ATP9B: variants seen among roughly 807,000 people sequenced by gnomAD.
ATP9B encodes ATPase phospholipid transporting 9B.
Under a neutral mutation model 146.1 loss-of-function variants are expected in ATP9B, and 110 were observed. The ratio of observed to expected loss-of-function variants is 0.75; its 90% confidence interval spans 0.65 to 0.88. The LOEUF is 0.88. ATP9B is among the 40% of genes least tolerant of loss of function. The pLI is 0.00. For missense variants in ATP9B, 1,499 were observed against 1,496.4 expected (o/e 1.00, Z -0.03); for synonymous variants, 604 against 569.7 (o/e 1.06, Z -0.86).
chr18:79,076,612 C>A (rs1300046040), intron 1 of ATP9B, among the ~76,000 whole-genome samples: 1 of 151,960 alleles, frequency 6.6e-6, no homozygotes, highest in South Asian at 2.1e-4. Context: ...AGTCGTTTGA[C>A]TGTTCTGGGT....
At chr18:79,235,667 G>C (rs567684005) in intron 11 of ATP9B, among the ~76,000 whole-genome samples, 4 of 151,976 alleles carry the variant, frequency 2.6e-5, no homozygotes, top group Non-Finnish European at 5.9e-5. Flanking sequence ...AATTCTCCCA[G>C]CTCCCGGGAG....
chr18:79,094,879 A>T (rs1238933520), intron 1 of ATP9B, among the ~76,000 whole-genome samples: 1 of 152,194 alleles, frequency 6.6e-6, no homozygotes, highest in Admixed American at 6.5e-5. Flanking sequence ...TTGTGATCAG[A>T]AATATGATTC....
chr18:79,236,917 G>A (rs1196061802), intron 11 of ATP9B, among the ~76,000 whole-genome samples: 1 of 100,648 alleles, frequency 9.9e-6, no homozygotes, highest in African/African-American at 4.3e-5. Flanking sequence ...TGTGTACACA[G>A]TCCGTGCACG....
chr18:79,250,643 G>A (rs745678444), intron 11 of ATP9B, among the ~76,000 whole-genome samples: 4 of 152,176 alleles, frequency 2.6e-5, no homozygotes, highest in Non-Finnish European at 5.9e-5. Context: ...TTGAAGTAGC[G>A]GAAATTGCAC....
At chr18:79,132,708 A>ACCTCTTTGAATGGCATTGATGGCAG (rs2094395691) in intron 5 of ATP9B, among the ~76,000 whole-genome samples, 2 of 152,226 alleles carry the variant, frequency 1.3e-5, no homozygotes, top group African/African-American at 4.8e-5. Context: ...TTTCACAGTT[A>ACCTCTTTGAATGGCATTGATGGCAG]CCTCTTTGAA....
intron 5 of ATP9B, among the ~76,000 whole-genome samples, chr18:79,143,189 A>G (rs148204714): frequency 1.3e-5 from 2 of 152,320 alleles, no homozygotes; most frequent in Non-Finnish European, 2.9e-5. Flanking sequence ...CATCTACTCT[A>G]CATCATATTA....
chr18:79,337,202 C>G lies in ATP9B; in HGVS notation c.2113-77C>G. 6 of 1,557,696 alleles carry G rather than the reference C, an allele frequency of 3.9e-6. No individual in the cohort carries two copies. In the South Asian group the frequency reaches 6.7e-5, roughly 17 times the overall value. ...TCACCTCCCCCTCTGTCCCCACAGC[C>G]CATGCAGTCCAGCTCTGTGGAGTCC... is the stretch of plus-strand genomic sequence containing the variant. On this transcript the variant is annotated intron_variant, in intron 18 of 29. Transcript: ENST00000426216.
chr18:79,087,650 CAAT>C (rs1287200025), intron 1 of ATP9B: 1 of 152,118 alleles, frequency 6.6e-6, no homozygotes, highest in Non-Finnish European at 1.5e-5. Context: ...AAAATGGAAA[CAAT>C]AAGGCTTAGA....
At chr18:79,100,568 A>G (rs4798893) in intron 2 of ATP9B, among the ~76,000 whole-genome samples, 37,996 of 152,060 alleles carry the variant, frequency 0.25, 5,089 homozygotes, top group East Asian at 0.5. Flanking sequence ...CATGGTATAT[A>G]TTGTCATTCT....
chr18:79,298,575 G>A (rs185300733), intron 13 of ATP9B, among the ~76,000 whole-genome samples: 2 of 146,994 alleles, frequency 1.4e-5, no homozygotes, highest in East Asian at 4.1e-4. Context: ...GATTTGTTTT[G>A]TAGGTAAGAT....
At chr18:79,311,228 T>C (rs148793821) in intron 15 of ATP9B, among the ~76,000 whole-genome samples, 1,594 of 152,314 alleles carry the variant, frequency 0.01, 32 homozygotes, top group African/African-American at 0.037. Context: ...CACCCCACAA[T>C]TGAGAACCAC....
chr18:79,182,077 G>T (rs1364249020), intron 8 of ATP9B, among the ~76,000 whole-genome samples: 1 of 152,190 alleles, frequency 6.6e-6, no homozygotes, highest in Non-Finnish European at 1.5e-5. Flanking sequence ...TCAACTTGAT[G>T]TCTTCAAGGC....
intron 26 of ATP9B, among the ~76,000 whole-genome samples, chr18:79,372,059 T>A (rs1295183598): frequency 6.6e-6 from 1 of 152,242 alleles, no homozygotes; most frequent in African/African-American, 2.4e-5. Context: ...CGTGTCACTT[T>A]CGACAGCTCT....
chr18:79,201,733 C>A (rs147924164), intron 9 of ATP9B, among the ~76,000 whole-genome samples: 2 of 152,012 alleles, frequency 1.3e-5, no homozygotes, highest in Non-Finnish European at 2.9e-5. Flanking sequence ...CCAAGCCCAG[C>A]TAATTTTTGT....
At chr18:79,310,732 T>C (rs765444249) in intron 15 of ATP9B, among the ~76,000 whole-genome samples, 1 of 152,206 alleles carries the variant, frequency 6.6e-6, no homozygotes, top group Non-Finnish European at 1.5e-5. Context: ...AGGAAAGATA[T>C]ACACAGAAGC....
At chr18:79,114,230 G>A (rs530825145) in intron 4 of ATP9B, among the ~76,000 whole-genome samples, 14 of 152,316 alleles carry the variant, frequency 9.2e-5, no homozygotes, top group African/African-American at 3.4e-4. Context: ...AAAGTGCTGG[G>A]ATTACAGGCG....
At chr18:79,079,512 G>A (rs562088929) in intron 1 of ATP9B, among the ~76,000 whole-genome samples, 8 of 151,966 alleles carry the variant, frequency 5.3e-5, no homozygotes, top group Non-Finnish European at 8.8e-5. Context: ...TTTTTTTCTT[G>A]TAAATTTAAG....
intron 11 of ATP9B, among the ~76,000 whole-genome samples, chr18:79,244,414 C>T (rs1197609477): frequency 6.6e-6 from 1 of 152,152 alleles, no homozygotes; most frequent in Non-Finnish European, 1.5e-5. Flanking sequence ...ACATTCTGAA[C>T]ACTAGAAACG....
chr18:79,197,503 G>A (rs28477764), intron 9 of ATP9B, among the ~76,000 whole-genome samples: 4,043 of 152,008 alleles, frequency 0.027, 195 homozygotes, highest in African/African-American at 0.091. Flanking sequence ...GTTAGGGTGG[G>A]GATTTCAGAG....
Sources: gnomAD v4.1 joint callset for allele counts (sites outside exome capture counted in the v4.1 genomes callset) on GRCh38, gnomAD v4.1.1 for gene constraint, MANE v1.5 for transcripts, NCBI Gene and HGNC (gene_info 2026-07-23, HGNC 2026-07-21) for gene names.